Variants in CLCNKA observed in about 807,000 individuals in gnomAD.
CLCNKA encodes the protein chloride channel protein ClC-Ka.
CLCNKA carries 66 observed loss-of-function variants against 83.3 expected under a neutral mutation model. The observed-to-expected ratio is 0.79, with a 90% confidence interval of 0.65 to 0.97. CLCNKA has a LOEUF of 0.97. CLCNKA is among the 50% of genes least tolerant of loss of function. The probability of loss-of-function intolerance (pLI) is 0.00; values close to 1 mark genes in which losing one functional copy is unlikely to be tolerated. For synonymous variants in CLCNKA, 357 were observed against 370.4 expected, an observed-to-expected ratio of 0.96 and a Z score of 0.42; for missense variants, 806 against 888.7, an observed-to-expected ratio of 0.91 and a Z score of 1.18.
rs765683256 is a variant in CLCNKA, at chr1:16,030,564, G to A, written c.1512G>A (p.Ala504=). ...TGCATGCACTGCCCGTGCTGATGGCGGTGCTGGCAGCCAACGCCATTGCAC... is the reference window on the plus strand; with the variant it reads ...TGCATGCACTGCCCGTGCTGATGGCAGTGCTGGCAGCCAACGCCATTGCAC... The part of the protein sequence containing the change: ...QIVHALPVLM[A]VLAANAIAQS... The change falls in exon 15 of 20, where the codon GCG becomes GCA. Residue 504 remains alanine, a synonymous_variant. Coordinates refer to ENST00000331433, the MANE Select transcript of CLCNKA (RefSeq NM_004070.4). The A allele has an allele frequency of 8.1e-5, 130 of 1,612,948 alleles. No homozygotes were observed. Among genetic ancestry groups the A allele is most frequent in the Non-Finnish European group, 9.9e-5 (117 of 1,180,038 alleles).
chr1:16,027,410 C>T lies in CLCNKA; in HGVS notation c.756C>T (p.Leu252=). Residue 252 remains leucine (L), a synonymous_variant, in exon 8 of 20, where the codon CTC becomes CTT. Transcript: ENST00000331433. The part of the protein sequence containing the change: ...AATCGAFIFR[L]LAVFNSEQET... ...CCTGCGGGGCCTTCATATTCCGGCT[C>T]CTGGCAGTCTTCAACAGCGAGCAGG... The T allele has an allele frequency of 6.2e-7, 1 of 1,614,098 alleles. No individual in the cohort carries two copies. The highest frequency in any genetic ancestry group is 1.1e-5 in the South Asian group (1 of 91,090).
intron 19 of CLCNKA, 59 bp from the exon 20 acceptor site, chr1:16,033,552 G>C: frequency 9.5e-7 from 1 of 1,053,736 alleles, no homozygotes; most frequent in South Asian, 1.3e-5. Context: ...AAATGCTGGA[G>C]CCCCCCTCAC....
In CLCNKA at chr1:16,023,836, T is replaced by G. The variant is rs1383995691; in HGVS notation, c.137T>G (p.Leu46Arg). Residue 46 changes from leucine (L) to arginine (R), a missense_variant, in exon 3 of 20, where the codon CTG (leucine) becomes CGG (arginine). Coordinates refer to ENST00000331433, the MANE Select transcript of CLCNKA (RefSeq NM_004070.4). ...TGGCTAAAGCAGAAGGTGTTCCGCC[T>G]GGGAGAAGACTGGTACTTCCTGATG... ...LEWLKQKVFR[L>R]GEDWYFLMTL... The G allele has an allele frequency of 3.7e-6, 6 of 1,614,050 alleles. No homozygotes were observed. Among genetic ancestry groups the G allele is most frequent in the Non-Finnish European group, 5.1e-6 (6 of 1,180,008 alleles).
intron 5 of CLCNKA, 24 bp from the exon 6 acceptor site, chr1:16,026,512 C>T: frequency 6.2e-7 from 1 of 1,613,652 alleles, no homozygotes; most frequent in Non-Finnish European, 8.5e-7. Flanking sequence ...CTGCCCTCAC[C>T]TGGGCCCACC....
chr1:16,026,029 C>T, intron 4 of CLCNKA, 79 bp from the exon 5 acceptor site: 1 of 1,593,906 alleles, frequency 6.3e-7, no homozygotes, highest in Non-Finnish European at 8.6e-7. Flanking sequence ...GCTGGGATTA[C>T]AGGCGTGAGC....
chr1:16,023,632 G>T (rs535966964), intron 2 of CLCNKA, among the ~76,000 whole-genome samples, 168 bp from the exon 3 acceptor site: 4 of 152,190 alleles, frequency 2.6e-5, no homozygotes, highest in Non-Finnish European at 5.9e-5. Flanking sequence ...CCAGTGCGAG[G>T]AACGTGGACA....
At chr1:16,022,534 A>C in intron 1 of CLCNKA, 79 bp from the exon 2 acceptor site, 1 of 974,382 alleles carries the variant, frequency 1.0e-6, no homozygotes, top group Non-Finnish European at 1.5e-6. Context: ...TTGGGTGGGG[A>C]GAGCACTGGA....
chr1:16,026,392 C>A, intron 5 of CLCNKA, 144 bp from the exon 6 acceptor site: 1 of 1,451,716 alleles, frequency 6.9e-7, no homozygotes, highest in Non-Finnish European at 9.5e-7. Flanking sequence ...AAGAGCCAGG[C>A]CAGGTCCCCA....
intron 4 of CLCNKA, among the ~76,000 whole-genome samples, chr1:16,025,242 G>A (rs2022302467): frequency 6.6e-6 from 1 of 152,238 alleles, no homozygotes; most frequent in African/African-American, 2.4e-5. Flanking sequence ...CTGAGGTTCT[G>A]TTCAGAGCTC....
chr1:16,029,812 G>A lies in CLCNKA; in HGVS notation c.1297+12G>A. On this transcript the variant is annotated intron_variant, in intron 13 of 19. Coordinates refer to ENST00000331433, the MANE Select transcript of CLCNKA (RefSeq NM_004070.4). ...CATCTTTATCCTTGGTGAGTCTGGG[G>A]TCCTGAGGTTCTGAGAGTTTTGGGG... is the stretch of plus-strand genomic sequence containing the variant. 1 of 1,614,084 alleles carries A rather than the reference G, an allele frequency of 6.2e-7. No homozygotes were observed. Among genetic ancestry groups the A allele is most frequent in the Non-Finnish European group, 8.5e-7 (1 of 1,180,000 alleles).
chr1:16,028,238 G>T, intron 10 of CLCNKA, 119 bp downstream of exon 10: 1 of 942,908 alleles, frequency 1.1e-6, no homozygotes, highest in Non-Finnish European at 1.7e-6. Flanking sequence ...CCTAGCCCGT[G>T]GAGCATCTAA....
chr1:16,030,021 A>G lies in CLCNKA; in HGVS notation c.1354A>G (p.Ile452Val). The stretch of plus-strand genomic sequence containing the variant: ...TCTTGCCGTCGCCTTCCCTGAGGGC[A>G]TTGTGACTGGAGGGGTTACCAATCC... ...EALAVAFPEG[I>V]VTGGVTNPIM... Residue 452 changes from isoleucine (I) to valine (V), a missense_variant, in exon 14 of 20, where the codon ATT becomes GTT. Transcript: ENST00000331433. 1 of 1,611,132 alleles carries G rather than the reference A, an allele frequency of 6.2e-7. No individual in the cohort carries two copies. Among genetic ancestry groups the G allele is most frequent in the Non-Finnish European group, 8.5e-7 (1 of 1,177,734 alleles).
chr1:16,031,404 A>G (rs1056568432), intron 15 of CLCNKA, among the ~76,000 whole-genome samples: 10 of 152,082 alleles, frequency 6.6e-5, no homozygotes, highest in African/African-American at 2.4e-4. Flanking sequence ...CACCTGGCAG[A>G]TACTGGTTTT....
chr1:16,030,485 T>A lies in CLCNKA; in HGVS notation c.1433T>A (p.Val478Glu). ...GGGGCTGCAGCCTTCTCAGGGGCTG[T>A]GACCCACACCATCTCCACGGCGCTG... is the stretch of plus-strand genomic sequence containing the variant. ...LAGAAAFSGA[V>E]THTISTALLA... The change falls in exon 15 of 20, where the codon GTG becomes GAG. Residue 478 changes from valine (V) to glutamate (E), a missense_variant. By Grantham distance (121) the Val-to-Glu change is moderately radical. Coordinates refer to ENST00000331433, the MANE Select transcript of CLCNKA (RefSeq NM_004070.4). The A allele has an allele frequency of 6.2e-7, 1 of 1,612,856 alleles. No individual in the cohort carries two copies. The highest frequency in any genetic ancestry group is 8.5e-7 in the Non-Finnish European group (1 of 1,179,976).
At chr1:16,025,954 C>T (rs1338533320) in intron 4 of CLCNKA, among the ~76,000 whole-genome samples, 154 bp from the exon 5 acceptor site, 1 of 152,190 alleles carries the variant, frequency 6.6e-6, no homozygotes, top group East Asian at 1.9e-4. Flanking sequence ...TGGGGTTTCA[C>T]CATGTTGGCA....
rs200446764 is a variant in CLCNKA at position 16,032,498 on chromosome 1, C to T, written c.1901C>T (p.Thr634Met). The change falls in exon 18 of 20, where the codon ACG becomes ATG. Residue 634 changes from threonine to methionine, a missense_variant. Thr to Met is a moderately conservative substitution (Grantham distance 81). Coordinates refer to ENST00000331433, the MANE Select transcript of CLCNKA (RefSeq NM_004070.4). ...TGCCCCACGGAACCAGTGACCCTGACGCTATTCTCAGAGACCACCTTGCAC... is the reference window on the plus strand; with the variant it reads ...TGCCCCACGGAACCAGTGACCCTGATGCTATTCTCAGAGACCACCTTGCAC... ...RGCPTEPVTL[T>M]LFSETTLHQA... 1.1e-5 allele frequency: 17 copies of T among 1,613,158 alleles called. No individual in the cohort carries two copies. Among genetic ancestry groups the T allele is most frequent in the Middle Eastern group, 1.6e-4 (1 of 6,062 alleles).
Position 16,028,741 on chromosome 1 carries a change from A to G in CLCNKA, c.969-20A>G. The G allele has an allele frequency of 6.2e-7, 1 of 1,613,534 alleles. No individual in the cohort carries two copies. The highest frequency in any genetic ancestry group is 1.1e-5 in the South Asian group (1 of 91,064). ...GTAGGAAAGGGAGGGCCAGCCCTAG[A>G]GCTCACCCACCCCCCACAGCAAGCC... On this transcript the variant is annotated intron_variant, in intron 10 of 19. Transcript: ENST00000331433.
In CLCNKA at chr1:16,033,621, C is replaced by G. The variant is rs1462662906; in HGVS notation, c.2027C>G (p.Ala676Gly). 2 of 1,426,086 alleles carry G rather than the reference C, an allele frequency of 1.4e-6. No homozygotes were observed. The highest frequency in any genetic ancestry group is 1.9e-5 in the Admixed American group (1 of 52,752). The allele number at this position is 1,426,086 out of a possible 1,614,324, so 88.3% of individuals were successfully genotyped here. ...GCVSWVEMKK[A>G]ISNLTNPPAP... ...CTTTCTCTGTTCTAGATGAAGAAAG[C>G]AATTTCCAACCTGACAAATCCGCCA... The change falls in exon 20 of 20, where the codon GCA becomes GGA. Residue 676 changes from alanine to glycine, a missense_variant. Transcript: ENST00000331433.
Position 16,022,607 on chromosome 1 carries a change from C to T in CLCNKA, c.-7-6C>T, listed in dbSNP as rs200365488. The T allele has an allele frequency of 6.4e-7, 1 of 1,554,062 alleles. No individual in the cohort carries two copies. The highest frequency in any genetic ancestry group is 2.4e-5 in the East Asian group (1 of 42,054). Reference sequence around the variant, plus strand: ...CCCGGGTCCTTCCCTCCATCTGCTTCTCCAGGGGCCTGATGGAGGAGTTGG... The same window carrying T: ...CCCGGGTCCTTCCCTCCATCTGCTTTTCCAGGGGCCTGATGGAGGAGTTGG... On this transcript the variant is annotated splice_region_variant and splice_polypyrimidine_tract_variant and intron_variant, in intron 1 of 19. Transcript: ENST00000331433.
Sources: gnomAD v4.1 joint callset for allele counts (sites outside exome capture counted in the v4.1 genomes callset) on GRCh38, gnomAD v4.1.1 for gene constraint, MANE v1.5 for transcripts, NCBI Gene and HGNC (gene_info 2026-07-23, HGNC 2026-07-21) for gene names.